Variants in TGFBR3 observed in about 807,000 individuals in gnomAD.
The protein encoded by TGFBR3 is transforming growth factor beta receptor type 3.
In TGFBR3, 46 loss-of-function variants were observed where a neutral mutation model predicts 87.9. That is an observed-to-expected ratio of 0.52 (90% CI 0.41 to 0.67). The LOEUF (loss-of-function observed/expected upper bound fraction) is 0.67, where lower values mean the gene tolerates loss of function less well. Ranked by LOEUF, TGFBR3 falls within the 30% of genes least tolerant of loss-of-function variation. TGFBR3 has a pLI of 0.00. For missense variants in TGFBR3, 866 were observed against 1,041.9 expected, an observed-to-expected ratio of 0.83 and a Z score of 2.32; for synonymous variants, 381 against 391.6, an observed-to-expected ratio of 0.97 and a Z score of 0.32.
chr1:91,726,683 A>G lies in TGFBR3; in HGVS notation c.885+976T>C, dbSNP rs1202279801. ...ACTGTGGTATCACATGGAAGGTGCC[A>G]TGAATGAATGAATAATACCAAAACC... On this transcript the variant is annotated intron_variant, in intron 7 of 16. Transcript: ENST00000212355. 2.0e-5 allele frequency among the ~76,000 whole-genome samples: 3 copies of G among 151,758 alleles called. No homozygotes were observed. In the East Asian group the frequency reaches 5.8e-4, roughly 29 times the overall value.
chr1:91,826,594 G>A (rs1676647319), intron 2 of TGFBR3, among the ~76,000 whole-genome samples: 2 of 152,132 alleles, frequency 1.3e-5, no homozygotes, highest in African/African-American at 4.8e-5. Flanking sequence ...CCTGTTTGAA[G>A]GAGCAAACCG....
chr1:91,748,597 C>T (rs865990168), intron 4 of TGFBR3, among the ~76,000 whole-genome samples: 5 of 152,260 alleles, frequency 3.3e-5, no homozygotes, highest in Middle Eastern at 3.4e-3. Context: ...TTCTGAAGCC[C>T]TGTTCTTGGA....
chr1:91,803,527 A>G (rs1242720826), intron 2 of TGFBR3, among the ~76,000 whole-genome samples: 1 of 149,870 alleles, frequency 6.7e-6, no homozygotes, highest in Non-Finnish European at 1.5e-5. Flanking sequence ...CCACGGGATC[A>G]GCTCTGAACT....
chr1:91,822,218 T>C (rs1676472670), intron 2 of TGFBR3, among the ~76,000 whole-genome samples: 1 of 149,550 alleles, frequency 6.7e-6, no homozygotes, highest in African/African-American at 2.5e-5. Context: ...GCCACATTTA[T>C]ATTCTTCTAC....
chr1:91,822,797 G>T (rs749052005), intron 2 of TGFBR3, among the ~76,000 whole-genome samples: 1 of 152,038 alleles, frequency 6.6e-6, no homozygotes, highest in African/African-American at 2.4e-5. Context: ...GTGGTGGCAC[G>T]TGCTTGTAGT....
chr1:91,716,942 C>T (rs1345393538), intron 10 of TGFBR3, among the ~76,000 whole-genome samples: 1 of 152,210 alleles, frequency 6.6e-6, no homozygotes, highest in East Asian at 1.9e-4. Context: ...TTTGTATCTT[C>T]TCTTGTGAAA....
chr1:91,846,124 C>A (rs914062622), intron 2 of TGFBR3, among the ~76,000 whole-genome samples: 3 of 152,178 alleles, frequency 2.0e-5, no homozygotes, highest in African/African-American at 7.2e-5. Context: ...TAGCCACAAG[C>A]ACTTCTCCAA....
intron 3 of TGFBR3, among the ~76,000 whole-genome samples, chr1:91,794,996 G>A (rs913849703): frequency 1.3e-5 from 2 of 152,208 alleles, no homozygotes; most frequent in African/African-American, 4.8e-5. Context: ...AAGAGTGAGC[G>A]ATATTTAATC....
intron 2 of TGFBR3, among the ~76,000 whole-genome samples, chr1:91,893,540 C>CA (rs983076339): frequency 2.0e-5 from 3 of 152,152 alleles, no homozygotes; most frequent in African/African-American, 7.2e-5. Context: ...ATCTCGGCCT[C>CA]AAAGTGCTGG....
chr1:91,694,517 T>C (rs558503186), intron 16 of TGFBR3, among the ~76,000 whole-genome samples: 1 of 152,370 alleles, frequency 6.6e-6, no homozygotes, highest in Non-Finnish European at 1.5e-5. Flanking sequence ...TCTGACACTT[T>C]TAACTATCAG....
chr1:91,769,332 GTCA>G (rs1674293659), intron 3 of TGFBR3, among the ~76,000 whole-genome samples: 1 of 152,156 alleles, frequency 6.6e-6, no homozygotes, highest in African/African-American at 2.4e-5. Flanking sequence ...GAGGCTTCAA[GTCA>G]AAACGGGTTT....
chr1:91,875,006 T>C (rs1189966711), intron 1 of TGFBR3, among the ~76,000 whole-genome samples: 3 of 152,324 alleles, frequency 2.0e-5, no homozygotes, highest in African/African-American at 4.8e-5. Context: ...GTCTTTTCTA[T>C]AGCTATAATT....
chr1:91,766,416 A>G (rs529014907), intron 3 of TGFBR3: 3 of 152,224 alleles, frequency 2.0e-5, no homozygotes, highest in Admixed American at 6.5e-5. Context: ...TCACATGTAT[A>G]TGTCTTTACC....
At chr1:91,792,123 C>T (rs1183633639) in intron 3 of TGFBR3, among the ~76,000 whole-genome samples, 1 of 152,202 alleles carries the variant, frequency 6.6e-6, no homozygotes, top group Non-Finnish European at 1.5e-5. Flanking sequence ...TTTGTCTGTG[C>T]CTGCCAAAAA....
intron 4 of TGFBR3, among the ~76,000 whole-genome samples, chr1:91,752,742 G>A (rs1207080309): frequency 6.6e-6 from 1 of 151,902 alleles, no homozygotes; most frequent in Non-Finnish European, 1.5e-5. Context: ...AAAATTAGAG[G>A]CCGGGCATAG....
rs374615661 is a variant in TGFBR3, at chr1:91,841,598, G to T, written c.61+19873C>A. Reference sequence around the variant, plus strand: ...TCACGAGGTCAGGAGTTCAAGACCAGCCTGACCAACATGGTGAAACCCCAT... The same window carrying T: ...TCACGAGGTCAGGAGTTCAAGACCATCCTGACCAACATGGTGAAACCCCAT... On this transcript the variant is annotated intron_variant, in intron 2 of 16. Transcript: ENST00000212355. Among the ~76,000 whole-genome samples, 7 of 152,112 alleles carry T rather than the reference G, an allele frequency of 4.6e-5. No individual in the cohort carries two copies. The South Asian group carries it at 1.0e-3, about 23-fold the overall frequency.
At chr1:91,843,997 A>C (rs1167164947) in intron 2 of TGFBR3, among the ~76,000 whole-genome samples, 1 of 152,228 alleles carries the variant, frequency 6.6e-6, no homozygotes, top group African/African-American at 2.4e-5. Flanking sequence ...TGTTCCAGCG[A>C]AACTCTGCTG....
chr1:91,891,743 T>G (rs1280158507), intron 2 of TGFBR3, among the ~76,000 whole-genome samples: 2 of 152,190 alleles, frequency 1.3e-5, no homozygotes, highest in Admixed American at 1.3e-4. Flanking sequence ...AACTACAGTA[T>G]CTGCCCTTAT....
In TGFBR3 at chr1:91,681,875, G is replaced by A. The variant is rs1359445220; in HGVS notation, c.*1864C>T. On this transcript the variant is annotated 3_prime_UTR_variant, in exon 17 of 17. Transcript: ENST00000212355. Reference sequence around the variant, plus strand: ...TTCAAACACAGGTAGCGTAATCTAGGTCCTCCACTCTGATACCCTTCTGTT... The same window carrying A: ...TTCAAACACAGGTAGCGTAATCTAGATCCTCCACTCTGATACCCTTCTGTT... 2.2e-6 allele frequency: 1 copy of A among 452,572 alleles called. No homozygotes were observed. The highest frequency in any genetic ancestry group is 4.4e-6 in the Non-Finnish European group (1 of 226,500). The allele number at this position is 452,572 out of a possible 1,614,324, so 28.0% of individuals were successfully genotyped here.
Sources: gnomAD v4.1 joint callset for allele counts (sites outside exome capture counted in the v4.1 genomes callset) on GRCh38, gnomAD v4.1.1 for gene constraint, MANE v1.5 for transcripts, NCBI Gene and HGNC (gene_info 2026-07-23, HGNC 2026-07-21) for gene names.